Variants in SMG7 observed in about 807,000 individuals in gnomAD.
SMG7 encodes the protein nonsense-mediated mRNA decay factor SMG7.
In SMG7, 34 loss-of-function variants were observed where a neutral mutation model predicts 148.2. The observed-to-expected ratio is 0.23, with a 90% CI of 0.17 to 0.31. SMG7 has a LOEUF of 0.31. SMG7 is among the 10% of genes least tolerant of loss of function. The pLI, the probability that SMG7 is intolerant of heterozygous loss-of-function variation, is 1.00. For synonymous variants in SMG7, 492 were observed against 515.1 expected (o/e 0.96, Z 0.61); for missense variants, 1,114 against 1,408.4 (o/e 0.79, Z 3.35).
At chr1:183,542,927 ATGTGTGTGTGTGTGTGTGTGTGTG>A (rs3979479) in intron 14 of SMG7, among the ~76,000 whole-genome samples, 1 of 85,160 alleles carries the variant, frequency 1.2e-5, no homozygotes, top group African/African-American at 3.7e-5. Flanking sequence ...ATATATATAT[ATGTGTGTGTGTGTGTGTGTGTGTG>A]TGTGTGTGTG....
chr1:183,517,105 G>A (rs1047980789), intron 3 of SMG7, among the ~76,000 whole-genome samples: 2 of 152,090 alleles, frequency 1.3e-5, no homozygotes, highest in African/African-American at 4.8e-5. Context: ...ACAGGATTTT[G>A]GTATGCCATA....
chr1:183,526,191 C>G (rs915659391), intron 4 of SMG7, among the ~76,000 whole-genome samples: 2 of 149,992 alleles, frequency 1.3e-5, no homozygotes, highest in Non-Finnish European at 3.0e-5. Flanking sequence ...CTCTCTCACC[C>G]AGGCTGGAGT....
chr1:183,527,522 C>T lies in SMG7; in HGVS notation c.485-434C>T. On this transcript the variant is annotated intron_variant, in intron 5 of 22. Transcript: ENST00000688051. This position sits in a 1 kb window ranked among gnomAD's most constrained non-coding sequence, Gnocchi z 4.0. ...CTTTGCACACACATATTTAATATTG[C>T]AATAGGAATGAGACATTTTTCAAAA... The T allele has an allele frequency of 4.6e-6, 2 of 433,056 alleles. No individual in the cohort carries two copies. The highest frequency in any genetic ancestry group is 1.7e-5 in the South Asian group (1 of 58,338). 26.8% of individuals were successfully genotyped at this position (433,056 alleles called of 1,614,324 possible). A position where few individuals can be genotyped will look rare whatever the true frequency, so the allele number is the denominator to read the frequency against.
chr1:183,536,815 T>C (rs1444275400), intron 10 of SMG7, among the ~76,000 whole-genome samples: 1 of 152,198 alleles, frequency 6.6e-6, no homozygotes, highest in Non-Finnish European at 1.5e-5. Context: ...TAGTATGTTA[T>C]TTCTTTGCTC....
rs368061871 is a variant in SMG7 at position 183,530,697 on chromosome 1, G to A, written c.843+1164G>A. On this transcript the variant is annotated intron_variant, in intron 8 of 22. Coordinates refer to ENST00000688051, the MANE Select transcript of SMG7 (RefSeq NM_001375584.1). Reference sequence around the variant, plus strand: ...AGTTGAAATCTATAGGGGGCTGACCGTGGGATGTTGTGGATTCTCCATTTT... The same window carrying A: ...AGTTGAAATCTATAGGGGGCTGACCATGGGATGTTGTGGATTCTCCATTTT... 6.6e-5 allele frequency among the ~76,000 whole-genome samples: 10 copies of A among 152,242 alleles called. No individual in the cohort carries two copies. The East Asian group carries it at 1.7e-3, about 26-fold the overall frequency.
intron 2 of SMG7, among the ~76,000 whole-genome samples, chr1:183,513,802 A>G (rs551762502): frequency 6.6e-6 from 1 of 152,100 alleles, no homozygotes; most frequent in African/African-American, 2.4e-5. Flanking sequence ...AGCCCAGGTG[A>G]GTGGATCACC....
At chr1:183,485,572 T>C (rs943488612) in intron 1 of SMG7, among the ~76,000 whole-genome samples, 18 of 152,228 alleles carry the variant, frequency 1.2e-4, no homozygotes, top group African/African-American at 4.3e-4. Flanking sequence ...ATACAGTTTA[T>C]TTCCTAGAAC....
At chr1:183,547,009 A>T in intron 17 of SMG7, 94 bp from the exon 18 acceptor site, 1 of 1,238,142 alleles carries the variant, frequency 8.1e-7, no homozygotes, top group Non-Finnish European at 1.1e-6. Flanking sequence ...TATCCCCTTG[A>T]CTTTAGTTGT....
intron 1 of SMG7, chr1:183,508,269 C>A: frequency 4.0e-6 from 1 of 251,944 alleles, no homozygotes; most frequent in Non-Finnish European, 6.3e-6. Flanking sequence ...ACACGGTTCA[C>A]TGCAGCTTCA....
At chr1:183,512,058 A>AG (rs1662270827) in intron 1 of SMG7, among the ~76,000 whole-genome samples, 7 of 152,086 alleles carry the variant, frequency 4.6e-5, no homozygotes, top group Admixed American at 4.6e-4. Context: ...TGAATTTGAG[A>AG]GGGGAAAAAA....
chr1:183,543,487 GAA>G (rs776454221), intron 14 of SMG7, among the ~76,000 whole-genome samples: 1 of 144,724 alleles, frequency 6.9e-6, no homozygotes, highest in Non-Finnish European at 1.5e-5. Context: ...GGAAAGGCAA[GAA>G]AAAAAAAAAT....
At chr1:183,501,951 G>A (rs748250053) in intron 1 of SMG7, among the ~76,000 whole-genome samples, 4 of 152,018 alleles carry the variant, frequency 2.6e-5, no homozygotes, top group Non-Finnish European at 5.9e-5. Context: ...TCTCATCCTG[G>A]TCTTAAAAGA....
At chr1:183,541,171 C>G in intron 13 of SMG7, 68 bp downstream of exon 13, 1 of 1,352,118 alleles carries the variant, frequency 7.4e-7, no homozygotes, top group South Asian at 1.2e-5. Context: ...CGCGCACACG[C>G]GCGCGCACAC....
Position 183,478,648 on chromosome 1 carries a change from G to A in SMG7, c.29+5999G>A, listed in dbSNP as rs188235200. 7.2e-5 allele frequency among the ~76,000 whole-genome samples: 11 copies of A among 152,272 alleles called. No homozygotes were observed. The East Asian group carries it at 2.1e-3, about 29-fold the overall frequency. On this transcript the variant is annotated intron_variant, in intron 1 of 22. Transcript: ENST00000688051. ...AGATCTGGACCCACTAGTATTGCAAGTTTCATGAGGCAGTTTTGAGGTGGA... is the reference window on the plus strand; with the variant it reads ...AGATCTGGACCCACTAGTATTGCAAATTTCATGAGGCAGTTTTGAGGTGGA...
intron 1 of SMG7, among the ~76,000 whole-genome samples, chr1:183,476,592 C>T (rs1652239094): frequency 6.6e-6 from 1 of 151,928 alleles, no homozygotes; most frequent in Non-Finnish European, 1.5e-5. Flanking sequence ...AAAAATAGAG[C>T]AGAGATGAAA....
At chr1:183,540,922 G>C in intron 12 of SMG7, 62 bp from the exon 13 acceptor site, 2 of 1,549,796 alleles carry the variant, frequency 1.3e-6, no homozygotes, top group Non-Finnish European at 1.8e-6. Context: ...AGGTGAACTT[G>C]GTTGCCTGGA....
At position 183,539,104 on chromosome 1, in the gene SMG7, A is replaced by C. The variant is rs532737966; in HGVS notation, c.1295+664A>C. On this transcript the variant is annotated intron_variant, in intron 12 of 22. Transcript: ENST00000688051. ...GGCAGAGGCTGCAGTGAGCTGAGAGATCACGCCACTGCACTCCAGCCTGGG... is the reference window on the plus strand; with the variant it reads ...GGCAGAGGCTGCAGTGAGCTGAGAGCTCACGCCACTGCACTCCAGCCTGGG... Among the ~76,000 whole-genome samples the C allele has an allele frequency of 1.1e-4, 16 of 152,112 alleles. No individual in the cohort carries two copies. The East Asian group carries it at 3.1e-3, about 29-fold the overall frequency.
intron 1 of SMG7, among the ~76,000 whole-genome samples, chr1:183,490,473 A>G (rs1426127909): frequency 6.6e-6 from 1 of 152,236 alleles, no homozygotes; most frequent in African/African-American, 2.4e-5. Context: ...AAATTGGCTT[A>G]TAGGAGACTG....
At position 183,552,046 on chromosome 1, in the gene SMG7, C is replaced by A; in HGVS notation, c.*115C>A. The A allele has an allele frequency of 7.2e-7, 1 of 1,394,830 alleles. No homozygotes were observed. The highest frequency in any genetic ancestry group is 1.7e-5 in the South Asian group (1 of 57,256). The allele number at this position is 1,394,830 out of a possible 1,614,324, so 86.4% of individuals were successfully genotyped here. On this transcript the variant is annotated 3_prime_UTR_variant, in exon 23 of 23. Coordinates refer to ENST00000688051, the MANE Select transcript of SMG7 (RefSeq NM_001375584.1). ...AGCCCTCTTTTCTGTTTCTCGCTGT[C>A]AAGAGGGTGTAAGTATTCCACCAGC...
Sources: gnomAD v4.1 joint callset for allele counts (sites outside exome capture counted in the v4.1 genomes callset) on GRCh38, gnomAD v4.1.1 for gene constraint, Gnocchi (gnomAD v3.1) non-coding constraint, MANE v1.5 for transcripts, NCBI Gene and HGNC (gene_info 2026-07-23, HGNC 2026-07-21) for gene names.